Variants in STAT5B observed in about 807,000 individuals in gnomAD.
The protein encoded by STAT5B is signal transducer and activator of transcription 5B, also known as transcription factor STAT5B.
Under a neutral mutation model 107.8 loss-of-function variants are expected in STAT5B, and 21 were observed. That is an observed-to-expected ratio of 0.19 (90% CI 0.14 to 0.28). The LOEUF is 0.28. STAT5B is among the 10% of genes least tolerant of loss of function. STAT5B has a pLI of 1.00. For synonymous variants in STAT5B, 325 were observed against 401.7 expected, an observed-to-expected ratio of 0.81 and a Z score of 2.28; for missense variants, 565 against 1,008.2, an observed-to-expected ratio of 0.56 and a Z score of 5.95.
chr17:42,212,639 G>T (rs2080139117), intron 12 of STAT5B, among the ~76,000 whole-genome samples: 1 of 152,240 alleles, frequency 6.6e-6, no homozygotes, highest in African/African-American at 2.4e-5. Context: ...CTTCTGCCAA[G>T]AATTCTAGCT....
At chr17:42,255,152 C>G (rs2080532450) in intron 1 of STAT5B, among the ~76,000 whole-genome samples, 1 of 152,204 alleles carries the variant, frequency 6.6e-6, no homozygotes, top group Non-Finnish European at 1.5e-5. Context: ...TCCCCTGCAG[C>G]TGAGGTCCCC....
chr17:42,222,016 GGTGTGGTGT>G lies in STAT5B; in HGVS notation c.550+1357_550+1365del, dbSNP rs1239635385. ...GGTGTGGTGTGTGTGTGCTGTGTGT[GGTGTGGTGT>G]GTGTGGTGTGGTGTGTGTGTGCTGT... On this transcript the variant is annotated intron_variant, in intron 5 of 18. Coordinates refer to ENST00000293328, the MANE Select transcript of STAT5B (RefSeq NM_012448.4). 1.7e-4 allele frequency among the ~76,000 whole-genome samples: 24 copies of G among 140,178 alleles called. No individual in the cohort carries two copies. In the South Asian group the frequency reaches 3.5e-3, roughly 20 times the overall value. 92.0% of individuals were successfully genotyped at this position (140,178 alleles called of 152,430 possible).
chr17:42,220,485 G>A (rs1429704999), intron 5 of STAT5B, among the ~76,000 whole-genome samples: 14 of 152,144 alleles, frequency 9.2e-5, no homozygotes, highest in East Asian at 3.9e-4. Context: ...ACCCAGCCCC[G>A]GCGGCTCTGT....
At chr17:42,225,441 A>G (rs1283534348) in intron 3 of STAT5B, among the ~76,000 whole-genome samples, 3 of 152,286 alleles carry the variant, frequency 2.0e-5, no homozygotes, top group East Asian at 1.9e-4. Flanking sequence ...CAAATGGGCA[A>G]TCAAAACTAC....
intron 11 of STAT5B, among the ~76,000 whole-genome samples, chr17:42,216,381 A>G (rs2080172150): frequency 1.3e-5 from 2 of 152,232 alleles, no homozygotes; most frequent in Non-Finnish European, 2.9e-5. Context: ...AGAAAAGACT[A>G]TTGGAGATAT....
In STAT5B at chr17:42,212,265, C is replaced by T. The variant is rs151102468; in HGVS notation, c.1474-75G>A. On this transcript the variant is annotated intron_variant, in intron 12 of 18. Transcript: ENST00000293328. ...ATTCCCTCAAGCCACAAAAGAAAAA[C>T]GCTGATGGCTGGGAGTGGTTACACA... 693 of 1,610,034 alleles carry T rather than the reference C, an allele frequency of 4.3e-4. 3 individuals are homozygous for T. The East Asian group carries it at 0.013, about 30-fold the overall frequency.
intron 1 of STAT5B, 67 bp from the exon 2 acceptor site, chr17:42,232,204 A>G (rs2080323175): frequency 6.6e-6 from 10 of 1,525,270 alleles, no homozygotes; most frequent in Non-Finnish European, 8.8e-6. Flanking sequence ...CACCAGAGTA[A>G]ATATTCACTT....
At position 42,227,691 on chromosome 17, in the gene STAT5B, G is replaced by T; in HGVS notation, c.129-6C>A. 3 of 1,613,776 alleles carry T rather than the reference G, an allele frequency of 1.9e-6. No individual in the cohort carries two copies. Among genetic ancestry groups the T allele is most frequent in the Non-Finnish European group, 2.5e-6 (3 of 1,179,926 alleles). ...TATCAAGATCTACTGAGTCCCTAGG[G>T]GAAAAAAATTACATAATCTGTATAC... On this transcript the variant is annotated splice_polypyrimidine_tract_variant and splice_region_variant and intron_variant, in intron 2 of 18. Coordinates refer to ENST00000293328, the MANE Select transcript of STAT5B (RefSeq NM_012448.4).
chr17:42,248,386 A>C (rs1567671782), intron 1 of STAT5B, among the ~76,000 whole-genome samples: 1 of 152,068 alleles, frequency 6.6e-6, no homozygotes, highest in African/African-American at 2.4e-5. Flanking sequence ...AAAAAAAAAA[A>C]ACAACAACGG....
chr17:42,258,665 C>T (rs893375455), intron 1 of STAT5B, among the ~76,000 whole-genome samples: 15 of 152,194 alleles, frequency 9.9e-5, no homozygotes, highest in African/African-American at 2.9e-4. Flanking sequence ...GGAAACAGAG[C>T]GAGACTCCGT....
intron 2 of STAT5B, 78 bp downstream of exon 2, chr17:42,231,922 C>CA: frequency 6.3e-7 from 1 of 1,587,700 alleles, no homozygotes; most frequent in Admixed American, 1.7e-5. Context: ...TGAAAGTTGC[C>CA]ATCATGACAT....
intron 14 of STAT5B, 31 bp from the exon 15 acceptor site, chr17:42,210,332 G>C: frequency 6.2e-7 from 1 of 1,614,198 alleles, no homozygotes; most frequent in Non-Finnish European, 8.5e-7. Context: ...GACAGAAGCA[G>C]AGTGTGACTT....
intron 11 of STAT5B, 104 bp downstream of exon 11, chr17:42,217,056 A>G: frequency 1.3e-6 from 2 of 1,537,784 alleles, no homozygotes; most frequent in Non-Finnish European, 1.8e-6. Flanking sequence ...ACCAACAGTC[A>G]AAAAGAAGAA....
At chr17:42,241,395 ATAC>A (rs2080401109) in intron 1 of STAT5B, among the ~76,000 whole-genome samples, 1 of 150,652 alleles carries the variant, frequency 6.6e-6, no homozygotes, top group Non-Finnish European at 1.5e-5. Context: ...CTTTCTGTTG[ATAC>A]CAACATTATT....
At chr17:42,214,673 C>T (rs1354577426) in intron 12 of STAT5B, 1 of 964,356 alleles carries the variant, frequency 1.0e-6, no homozygotes, top group Non-Finnish European at 1.2e-6. Context: ...CTCTTATGTC[C>T]CAAATGATAA....
At chr17:42,241,666 C>T (rs1263966493) in intron 1 of STAT5B, among the ~76,000 whole-genome samples, 1 of 152,108 alleles carries the variant, frequency 6.6e-6, no homozygotes, top group Non-Finnish European at 1.5e-5. Context: ...TGGTCTTGAA[C>T]TCCTGACCTC....
At position 42,214,806 on chromosome 17, in the gene STAT5B, G is replaced by A. The variant is rs180834003; in HGVS notation, c.1473+1208C>T. On this transcript the variant is annotated intron_variant, in intron 12 of 18. Transcript: ENST00000293328. ...GCTTTGTCACCCAGGCTGGAGTACA[G>A]TGGCACAATCTTGGCTCACTGCAGC... Among the ~76,000 whole-genome samples, 173 of 152,292 alleles carry A rather than the reference G, an allele frequency of 1.1e-3. 2 individuals carry two copies. The highest frequency in any genetic ancestry group is 1.8e-3 in the Non-Finnish European group (120 of 68,004).
intron 1 of STAT5B, among the ~76,000 whole-genome samples, chr17:42,248,718 T>G (rs927862484): frequency 6.6e-6 from 1 of 152,204 alleles, no homozygotes; most frequent in Admixed American, 6.5e-5. Flanking sequence ...GCAGAGCCCT[T>G]CTGTGTATGT....
intron 1 of STAT5B, among the ~76,000 whole-genome samples, chr17:42,251,491 G>A (rs1337695470): frequency 6.6e-6 from 1 of 152,066 alleles, no homozygotes; most frequent in Non-Finnish European, 1.5e-5. Context: ...TACATACAGG[G>A]GGAAATGTCA....
Sources: gnomAD v4.1 joint callset for allele counts (sites outside exome capture counted in the v4.1 genomes callset) on GRCh38, gnomAD v4.1.1 for gene constraint, MANE v1.5 for transcripts, NCBI Gene and HGNC (gene_info 2026-07-23, HGNC 2026-07-21) for gene names.